The following UBR3 variants were observed in gnomAD, a reference collection of about 807,000 sequenced individuals.
UBR3 encodes ubiquitin protein ligase E3 component n-recognin 3, also known as E3 ubiquitin-protein ligase UBR3.
In UBR3, 85 loss-of-function variants were observed where a neutral mutation model predicts 243.2. The ratio of observed to expected loss-of-function variants is 0.35; its 90% confidence interval spans 0.29 to 0.42. The LOEUF is 0.42. Among genes scored for constraint, UBR3 ranks in the 10% least tolerant of loss-of-function variants. UBR3 has a pLI of 1.00. For synonymous variants in UBR3, 748 were observed against 799.8 expected (o/e 0.94, Z 1.09); for missense variants, 1,686 against 2,300.8 (o/e 0.73, Z 5.47).
At chr2:169,856,639 C>G (rs892134393) in intron 1 of UBR3, among the ~76,000 whole-genome samples, 1 of 152,160 alleles carries the variant, frequency 6.6e-6, no homozygotes, top group Non-Finnish European at 1.5e-5. Flanking sequence ...GAGACCAGCC[C>G]GGCCAACACG....
At chr2:170,015,651 T>C (rs2090214334) in intron 30 of UBR3, among the ~76,000 whole-genome samples, 1 of 151,918 alleles carries the variant, frequency 6.6e-6, no homozygotes, top group Non-Finnish European at 1.5e-5. Flanking sequence ...TCTTAAACTT[T>C]AATTCTCTTA....
At chr2:169,828,661 G>A (rs1283493734) in intron 1 of UBR3, among the ~76,000 whole-genome samples, 2 of 152,186 alleles carry the variant, frequency 1.3e-5, no homozygotes. Flanking sequence ...CTGTTGAGCT[G>A]TCAGTGGATT....
At chr2:169,878,650 C>T (rs974494920) in intron 5 of UBR3, 76 bp downstream of exon 5, 1 of 1,256,670 alleles carries the variant, frequency 8.0e-7, no homozygotes, top group Non-Finnish European at 1.1e-6. Context: ...TTTTATACTT[C>T]TTTATAGTTC....
chr2:169,918,784 T>C (rs1346162166), intron 11 of UBR3, among the ~76,000 whole-genome samples: 1 of 151,906 alleles, frequency 6.6e-6, no homozygotes, highest in Non-Finnish European at 1.5e-5. Context: ...TTGGCTAGAG[T>C]CCTCTGGTAA....
At chr2:169,897,523 G>A (rs188259963) in intron 8 of UBR3, among the ~76,000 whole-genome samples, 2 of 152,048 alleles carry the variant, frequency 1.3e-5, no homozygotes, top group East Asian at 3.9e-4. Flanking sequence ...TTTTGAGACA[G>A]AGTCTTGCTC....
chr2:170,082,833 G>A lies in UBR3; in HGVS notation c.*990G>A, dbSNP rs562661752. 3 of 152,232 alleles carry A rather than the reference G, an allele frequency of 2.0e-5. No individual in the cohort carries two copies. The highest frequency in any genetic ancestry group is 2.4e-5 in the African/African-American group (1 of 41,526). 9.4% of individuals were successfully genotyped at this position (152,232 alleles called of 1,614,324 possible). ...AGTGTAATCACTACTATTTCTGCTCGGTTTCCTAAAAGGAAAAAAAAGGCG... is the reference window on the plus strand; with the variant it reads ...AGTGTAATCACTACTATTTCTGCTCAGTTTCCTAAAAGGAAAAAAAAGGCG... On this transcript the variant is annotated 3_prime_UTR_variant, in exon 39 of 39. Coordinates refer to ENST00000272793, the MANE Select transcript of UBR3 (RefSeq NM_172070.4).
intron 24 of UBR3, among the ~76,000 whole-genome samples, chr2:169,960,525 C>A (rs552368290): frequency 8.5e-5 from 13 of 152,170 alleles, no homozygotes; most frequent in African/African-American, 3.1e-4. Context: ...TTTATTGACA[C>A]TACTTTCCCT....
At chr2:169,866,601 G>T (rs2083273236) in intron 1 of UBR3, among the ~76,000 whole-genome samples, 1 of 152,160 alleles carries the variant, frequency 6.6e-6, no homozygotes, top group Non-Finnish European at 1.5e-5. Flanking sequence ...GATCTCAAGT[G>T]ATTCGCCCAC....
intron 1 of UBR3, among the ~76,000 whole-genome samples, chr2:169,856,310 G>A (rs184290418): frequency 6.6e-6 from 1 of 151,786 alleles, no homozygotes; most frequent in East Asian, 1.9e-4. Context: ...CTTCCTAGAC[G>A]GGATGATGGC....
At chr2:169,978,750 C>T (rs1189816685) in intron 24 of UBR3, among the ~76,000 whole-genome samples, 1 of 152,094 alleles carries the variant, frequency 6.6e-6, no homozygotes, top group Non-Finnish European at 1.5e-5. Context: ...AGGGAGTCCA[C>T]TCCCCATGGA....
In UBR3 at chr2:169,958,533, C is replaced by A; in HGVS notation, c.3634+7C>A. ...GAAACTGCAATGGATGTTGGTAAGT[C>A]AAAATTATTAGTTTAGAACTCTCAT... On this transcript the variant is annotated splice_region_variant and intron_variant, in intron 24 of 38. Transcript: ENST00000272793. 4 of 1,610,644 alleles carry A rather than the reference C, an allele frequency of 2.5e-6. No individual in the cohort carries two copies. In the South Asian group the frequency reaches 4.4e-5, roughly 18 times the overall value.
At chr2:169,858,628 C>G (rs1303297831) in intron 1 of UBR3, among the ~76,000 whole-genome samples, 2 of 151,986 alleles carry the variant, frequency 1.3e-5, no homozygotes, top group African/African-American at 4.8e-5. Context: ...GAGACAGAGT[C>G]TCTCTCTCTT....
At chr2:169,841,657 A>G (rs893226762) in intron 1 of UBR3, among the ~76,000 whole-genome samples, 6 of 152,206 alleles carry the variant, frequency 3.9e-5, no homozygotes, top group African/African-American at 7.2e-5. Flanking sequence ...GCCCCGGGCA[A>G]TGGGGGACTT....
At chr2:169,844,748 G>A (rs1365163946) in intron 1 of UBR3, among the ~76,000 whole-genome samples, 1 of 151,806 alleles carries the variant, frequency 6.6e-6, no homozygotes, top group African/African-American at 2.4e-5. Context: ...CTGCTACGTC[G>A]GCCTCTCAAA....
intron 30 of UBR3, among the ~76,000 whole-genome samples, chr2:170,025,896 T>C (rs143629027): frequency 1.3e-5 from 2 of 152,102 alleles, no homozygotes; most frequent in African/African-American, 4.8e-5. Flanking sequence ...ATAGGAATTT[T>C]AAAAGGAAAT....
chr2:169,989,253 C>A (rs930443065), intron 25 of UBR3, among the ~76,000 whole-genome samples: 8 of 152,150 alleles, frequency 5.3e-5, no homozygotes, highest in Non-Finnish European at 1.2e-4. Context: ...CATCAAACAT[C>A]TAGTCAGTGT....
intron 23 of UBR3, among the ~76,000 whole-genome samples, 170 bp downstream of exon 23, chr2:169,950,235 A>AT (rs1289502151): frequency 6.6e-6 from 1 of 152,046 alleles, no homozygotes; most frequent in Non-Finnish European, 1.5e-5. Flanking sequence ...CATGTGATGT[A>AT]TTGAGTTTAT....
At chr2:170,076,228 A>G (rs1449412176) in intron 36 of UBR3, among the ~76,000 whole-genome samples, 1 of 152,180 alleles carries the variant, frequency 6.6e-6, no homozygotes, top group Non-Finnish European at 1.5e-5. Flanking sequence ...GTTATTTTCT[A>G]AAAGAACTTA....
intron 5 of UBR3, among the ~76,000 whole-genome samples, chr2:169,887,783 C>CTT (rs373899418): frequency 6.1e-5 from 9 of 148,414 alleles, no homozygotes; most frequent in Admixed American, 3.4e-4. Flanking sequence ...TTCTTTCTTT[C>CTT]TTTTTTTTTT....
Sources: gnomAD v4.1 joint callset for allele counts (sites outside exome capture counted in the v4.1 genomes callset) on GRCh38, gnomAD v4.1.1 for gene constraint, MANE v1.5 for transcripts, NCBI Gene and HGNC (gene_info 2026-07-23, HGNC 2026-07-21) for gene names.